Variants in CSMD3 observed in about 807,000 individuals in gnomAD.
The protein encoded by CSMD3 is CUB and sushi domain-containing protein 3.
Under a neutral mutation model 435.2 loss-of-function variants are expected in CSMD3, and 177 were observed. The observed-to-expected ratio is 0.41, with a 90% CI of 0.36 to 0.46. The LOEUF (loss-of-function observed/expected upper bound fraction) is 0.46. CSMD3 is among the 20% of genes least tolerant of loss of function. CSMD3 has a pLI of 0.34. For missense variants in CSMD3, 4,265 were observed against 4,504.6 expected (o/e 0.95, Z 1.52); for synonymous variants, 1,656 against 1,520.5 (o/e 1.09, Z -2.07).
At chr8:112,533,403 T>C (rs901777704) in intron 27 of CSMD3, among the ~76,000 whole-genome samples, 2 of 151,956 alleles carry the variant, frequency 1.3e-5, no homozygotes, top group South Asian at 2.1e-4. Context: ...GACATGCATA[T>C]ACTGAATGTG....
At chr8:113,361,862 CA>C (rs1396832939) in intron 1 of CSMD3, among the ~76,000 whole-genome samples, 4 of 152,078 alleles carry the variant, frequency 2.6e-5, no homozygotes, top group South Asian at 2.1e-4. Flanking sequence ...AGTCCTAATG[CA>C]AGCAAATTTT....
At chr8:112,396,661 G>A (rs1830885390) in intron 35 of CSMD3, among the ~76,000 whole-genome samples, 1 of 152,118 alleles carries the variant, frequency 6.6e-6, no homozygotes, top group South Asian at 2.1e-4. Context: ...TCCACTCACT[G>A]AATAAAAGTT....
intron 31 of CSMD3, among the ~76,000 whole-genome samples, chr8:112,488,273 T>C (rs191254852): frequency 6.6e-6 from 1 of 152,274 alleles, no homozygotes; most frequent in East Asian, 1.9e-4. Context: ...TCGGTTTGAG[T>C]TTACAGATAT....
intron 45 of CSMD3, among the ~76,000 whole-genome samples, chr8:112,320,894 A>C (rs1822937102): frequency 6.6e-6 from 1 of 152,124 alleles, no homozygotes; most frequent in African/African-American, 2.4e-5. Context: ...ATATCTGTTT[A>C]TCAAATGTCA....
At chr8:112,288,123 A>G (rs1163532336) in intron 57 of CSMD3, among the ~76,000 whole-genome samples, 1 of 152,024 alleles carries the variant, frequency 6.6e-6, no homozygotes, top group East Asian at 1.9e-4. Context: ...TATTTGGAAT[A>G]CTTCATTATA....
chr8:112,944,384 C>A (rs1320802545), intron 9 of CSMD3, among the ~76,000 whole-genome samples: 2 of 151,608 alleles, frequency 1.3e-5, no homozygotes, highest in Non-Finnish European at 3.0e-5. Flanking sequence ...AATTATGTTT[C>A]TTTACCTCTA....
intron 1 of CSMD3, among the ~76,000 whole-genome samples, chr8:113,362,152 T>A (rs2094281543): frequency 6.6e-6 from 1 of 152,178 alleles, no homozygotes; most frequent in Admixed American, 6.5e-5. Flanking sequence ...GTCAAATATT[T>A]TGATTCAAAA....
chr8:112,696,153 G>C (rs540129419), intron 13 of CSMD3, among the ~76,000 whole-genome samples: 4 of 152,220 alleles, frequency 2.6e-5, no homozygotes, highest in Non-Finnish European at 5.9e-5. Flanking sequence ...TACTGCCCAA[G>C]GTAATTTATA....
At chr8:112,934,469 C>T (rs2083214710) in intron 9 of CSMD3, among the ~76,000 whole-genome samples, 1 of 152,238 alleles carries the variant, frequency 6.6e-6, no homozygotes, top group African/African-American at 2.4e-5. Flanking sequence ...TGAAGTAATT[C>T]AGTTTCAATA....
rs143235766 is a variant in CSMD3 at position 112,571,425 on chromosome 8, C to T, written c.4042+2076G>A. Among the ~76,000 whole-genome samples, 891 of 152,140 alleles carry T rather than the reference C, an allele frequency of 5.9e-3. 4 individuals carry two copies. Among genetic ancestry groups the T allele is most frequent in the African/African-American group, 0.02 (810 of 41,504 alleles). On this transcript the variant is annotated intron_variant, in intron 24 of 70. Transcript: ENST00000297405. ...ATAAAGTCAATGATCTTACTCATTC[C>T]AGTCACCTGAGCACCCCATAAAATT...
chr8:112,298,063 G>A (rs1820500149), intron 53 of CSMD3, among the ~76,000 whole-genome samples: 1 of 53,834 alleles, frequency 1.9e-5, no homozygotes. Context: ...TGTTGCCATT[G>A]CACAAAAAAA....
intron 5 of CSMD3, among the ~76,000 whole-genome samples, chr8:113,089,031 C>T (rs946267018): frequency 6.6e-6 from 1 of 151,780 alleles, no homozygotes; most frequent in Admixed American, 6.6e-5. Flanking sequence ...CTCTTTTTTT[C>T]GTGTTCTTTC....
chr8:112,242,756 A>C (rs1232050951), intron 65 of CSMD3, among the ~76,000 whole-genome samples: 1 of 152,168 alleles, frequency 6.6e-6, no homozygotes, highest in African/African-American at 2.4e-5. Flanking sequence ...CCACTGAAGA[A>C]TTTCACTAGA....
intron 4 of CSMD3, among the ~76,000 whole-genome samples, chr8:113,142,947 C>G (rs2091584390): frequency 6.7e-6 from 1 of 149,234 alleles, no homozygotes; most frequent in Non-Finnish European, 1.5e-5. Context: ...AAATCTTAAC[C>G]TAAATCTCAC....
intron 59 of CSMD3, among the ~76,000 whole-genome samples, chr8:112,273,837 C>T (rs1817761125): frequency 2.0e-5 from 3 of 150,348 alleles, no homozygotes; most frequent in Non-Finnish European, 2.9e-5. Context: ...TGCTCTTATT[C>T]ATCAGGTGCT....
intron 27 of CSMD3, among the ~76,000 whole-genome samples, chr8:112,549,886 T>C (rs994061459): frequency 9.9e-5 from 15 of 152,046 alleles, no homozygotes; most frequent in Non-Finnish European, 7.4e-5. Flanking sequence ...TTTTCACTCA[T>C]AGTTGATCAT....
chr8:112,337,384 C>A (rs149374175), intron 43 of CSMD3, among the ~76,000 whole-genome samples, 159 bp downstream of exon 43: 3 of 152,012 alleles, frequency 2.0e-5, no homozygotes, highest in Non-Finnish European at 2.9e-5. Context: ...ATGATAAAAT[C>A]GTTATTCATT....
intron 4 of CSMD3, among the ~76,000 whole-genome samples, chr8:113,171,395 G>C (rs531598019): frequency 2.6e-5 from 4 of 152,180 alleles, no homozygotes; most frequent in African/African-American, 9.6e-5. Context: ...TCTGAATTGA[G>C]ATGAAGGAAC....
In CSMD3 at chr8:112,882,532, C is replaced by T. The variant is rs553116897; in HGVS notation, c.1634-23266G>A. ...TACTTTCTTTGCTTTCCTCTTTTCC[C>T]CTCCTTCCCACTCTTTTCCCTTTAT... On this transcript the variant is annotated intron_variant, in intron 10 of 70. Transcript: ENST00000297405. Among the ~76,000 whole-genome samples the T allele has an allele frequency of 4.6e-5, 7 of 152,044 alleles. No individual in the cohort carries two copies. In the South Asian group the frequency reaches 1.5e-3, roughly 32 times the overall value.
Sources: allele counts gnomAD v4.1 joint callset (sites outside exome capture counted in the v4.1 genomes callset), GRCh38; gene constraint gnomAD v4.1.1; transcripts MANE v1.5; gene names NCBI Gene and HGNC (gene_info 2026-07-23, HGNC 2026-07-21).